The following VRK2 variants were observed in gnomAD, a reference collection of about 807,000 sequenced individuals.
VRK2 encodes the protein serine/threonine-protein kinase VRK2.
A neutral mutation model predicts 57.6 loss-of-function variants in VRK2; 60 were observed. The observed-to-expected ratio is 1.04, with a 90% CI of 0.85 to 1.29. The LOEUF (loss-of-function observed/expected upper bound fraction) is 1.29. Among genes scored for constraint, VRK2 ranks in the 50% most tolerant of loss-of-function variants. The probability of loss-of-function intolerance (pLI) is 0.00; values close to 1 mark genes in which losing one functional copy is unlikely to be tolerated. For missense variants in VRK2, 705 were observed against 588.1 expected (o/e 1.20, Z -2.06); for synonymous variants, 231 against 199.2 (o/e 1.16, Z -1.35).
intron 1 of VRK2, among the ~76,000 whole-genome samples, chr2:57,917,398 T>C (rs1373707992): frequency 6.6e-6 from 1 of 151,786 alleles, no homozygotes; most frequent in Non-Finnish European, 1.5e-5. Flanking sequence ...GAGTCTTTCA[T>C]AGAGTGACCT....
At chr2:57,992,541 T>C (rs1430530467) in intron 1 of VRK2, among the ~76,000 whole-genome samples, 2 of 152,224 alleles carry the variant, frequency 1.3e-5, no homozygotes, top group East Asian at 3.8e-4. Flanking sequence ...TGTTTCTTTT[T>C]TTTTTTGAGA....
chr2:58,050,068 T>C (rs1675479099), intron 2 of VRK2, among the ~76,000 whole-genome samples: 1 of 152,206 alleles, frequency 6.6e-6, no homozygotes, highest in African/African-American at 2.4e-5. Context: ...AAGTGCTAGA[T>C]TGAATGACAT....
intron 1 of VRK2, among the ~76,000 whole-genome samples, chr2:58,022,799 C>T (rs894776180): frequency 6.6e-6 from 1 of 152,138 alleles, no homozygotes; most frequent in African/African-American, 2.4e-5. Context: ...TGCTTGAACC[C>T]AGGAGGCAGA....
At chr2:57,968,572 A>G (rs1301542168) in intron 1 of VRK2, among the ~76,000 whole-genome samples, 2 of 152,106 alleles carry the variant, frequency 1.3e-5, no homozygotes, top group Non-Finnish European at 2.9e-5. Context: ...GGATTTTTAT[A>G]CCCAAGCAAG....
intron 1 of VRK2, among the ~76,000 whole-genome samples, chr2:57,984,537 T>C (rs1006378354): frequency 6.6e-6 from 1 of 152,014 alleles, no homozygotes; most frequent in African/African-American, 2.4e-5. Flanking sequence ...GCACACACTT[T>C]TAAAAGTTTG....
At chr2:57,992,577 C>T (rs904049856) in intron 1 of VRK2, among the ~76,000 whole-genome samples, 1 of 152,064 alleles carries the variant, frequency 6.6e-6, no homozygotes, top group East Asian at 1.9e-4. Flanking sequence ...TCGCCCAGGC[C>T]GGACTGCGGA....
In VRK2 at chr2:58,128,803, A is replaced by G. The variant is rs566049958; in HGVS notation, c.677-3005A>G. On this transcript the variant is annotated intron_variant, in intron 8 of 12. Coordinates refer to ENST00000340157, the MANE Select transcript of VRK2 (RefSeq NM_006296.7). ...ATACTTACTTTAAATTGTTTGAAAG[A>G]TGAGATGAAATAATAAAAAGCAGGT... is the stretch of plus-strand genomic sequence containing the variant. 2.0e-5 allele frequency among the ~76,000 whole-genome samples: 3 copies of G among 152,344 alleles called. No homozygotes were observed. In the East Asian group the frequency reaches 5.8e-4, roughly 29 times the overall value.
upstream of VRK2, chr2:58,046,731 T>A: frequency 1.0e-6 from 1 of 985,482 alleles, no homozygotes; most frequent in African/African-American, 1.7e-5. Flanking sequence ...GGAGAGAAGT[T>A]AGGCAGGTCC....
At chr2:58,071,900 T>C (rs1403662586) in intron 2 of VRK2, among the ~76,000 whole-genome samples, 1 of 151,994 alleles carries the variant, frequency 6.6e-6, no homozygotes, top group Non-Finnish European at 1.5e-5. Flanking sequence ...TGAGTGAGTC[T>C]TCCTATTTAT....
At chr2:58,045,605 CT>C (rs1674681295), upstream of VRK2, among the ~76,000 whole-genome samples, 1 of 152,082 alleles carries the variant, frequency 6.6e-6, no homozygotes, top group South Asian at 2.1e-4. Context: ...TTTAAAAATA[CT>C]TTTTTGTTTG....
At chr2:58,047,778 C>T (rs577485981) in intron 1 of VRK2, among the ~76,000 whole-genome samples, 5 of 152,154 alleles carry the variant, frequency 3.3e-5, no homozygotes, top group Non-Finnish European at 5.9e-5. Context: ...GTTAAAGATA[C>T]ACGCAGCGAC....
intron 12 of VRK2, among the ~76,000 whole-genome samples, chr2:58,156,515 C>A (rs931618181): frequency 2.0e-5 from 3 of 152,096 alleles, no homozygotes; most frequent in African/African-American, 7.2e-5. Flanking sequence ...TTTTCATAGG[C>A]AGCTAAATAA....
At chr2:58,135,550 T>C (rs1356298696) in intron 10 of VRK2, among the ~76,000 whole-genome samples, 4 of 152,008 alleles carry the variant, frequency 2.6e-5, no homozygotes. Flanking sequence ...TTCCTCTATA[T>C]ATTGTTGAAA....
chr2:58,130,227 C>T (rs753146736), intron 8 of VRK2, among the ~76,000 whole-genome samples: 2 of 152,224 alleles, frequency 1.3e-5, no homozygotes, highest in Non-Finnish European at 2.9e-5. Context: ...GCCAGAATAT[C>T]ATTTTTTGAA....
At chr2:57,965,586 A>G (rs887346818) in intron 1 of VRK2, among the ~76,000 whole-genome samples, 1 of 152,014 alleles carries the variant, frequency 6.6e-6, no homozygotes, top group African/African-American at 2.4e-5. Flanking sequence ...GATAAGGGGG[A>G]GGGAGCTTTC....
At chr2:58,101,410 A>G (rs1051004031) in intron 7 of VRK2, among the ~76,000 whole-genome samples, 1 of 151,688 alleles carries the variant, frequency 6.6e-6, no homozygotes, top group African/African-American at 2.4e-5. Flanking sequence ...ATCTCCAAAA[A>G]CTAAGGACAA....
intron 3 of VRK2, among the ~76,000 whole-genome samples, chr2:58,035,969 G>T (rs1315733615): frequency 6.6e-6 from 1 of 152,040 alleles, no homozygotes; most frequent in African/African-American, 2.4e-5. Context: ...TCCGTTACTA[G>T]TTATGGTTGT....
intron 1 of VRK2, among the ~76,000 whole-genome samples, chr2:57,925,024 C>T (rs1670485410): frequency 6.6e-6 from 1 of 151,798 alleles, no homozygotes; most frequent in Admixed American, 6.6e-5. Flanking sequence ...ATTGATTTGC[C>T]TATGTTGCTC....
intron 7 of VRK2, among the ~76,000 whole-genome samples, chr2:58,092,123 A>T (rs1285226155): frequency 2.0e-5 from 3 of 152,178 alleles, no homozygotes; most frequent in Admixed American, 2.0e-4. Context: ...CACTACTGCC[A>T]CCAAGATGTA....
Sources: gnomAD v4.1 joint callset for allele counts (sites outside exome capture counted in the v4.1 genomes callset) on GRCh38, gnomAD v4.1.1 for gene constraint, MANE v1.5 for transcripts, NCBI Gene and HGNC (gene_info 2026-07-23, HGNC 2026-07-21) for gene names.